The following MARCHF5 variants were observed in gnomAD, a reference collection of about 807,000 sequenced individuals.
MARCHF5 encodes membrane associated ring-CH-type finger 5.
MARCHF5 carries 5 observed loss-of-function variants against 36.5 expected under a neutral mutation model. The observed-to-expected ratio is 0.14, with a 90% CI of 0.07 to 0.29. The LOEUF (loss-of-function observed/expected upper bound fraction) is 0.29. Ranked by LOEUF, MARCHF5 falls within the 10% of genes least tolerant of loss-of-function variation. MARCHF5 has a pLI of 1.00. For missense variants in MARCHF5, 179 were observed against 336.3 expected, an observed-to-expected ratio of 0.53 and a Z score of 3.66; for synonymous variants, 103 against 109.9, an observed-to-expected ratio of 0.94 and a Z score of 0.39.
intron 1 of MARCHF5, among the ~76,000 whole-genome samples, chr10:92,293,343 G>A (rs1452990025): frequency 6.6e-6 from 1 of 152,076 alleles, no homozygotes; most frequent in African/African-American, 2.4e-5. Context: ...GGGCTCAAGT[G>A]ATCCTCCCGC....
chr10:92,299,776 CATG>C (rs1358253916), intron 1 of MARCHF5, among the ~76,000 whole-genome samples: 1 of 152,152 alleles, frequency 6.6e-6, no homozygotes, highest in Admixed American at 6.6e-5. Context: ...TCTTTTGTAT[CATG>C]ATGTCTTTCT....
At chr10:92,312,098 G>A (rs953307590) in intron 2 of MARCHF5, among the ~76,000 whole-genome samples, 1 of 152,086 alleles carries the variant, frequency 6.6e-6, no homozygotes, top group Admixed American at 6.6e-5. Context: ...AAGAGGTATA[G>A]GAAGGCAGCT....
intron 1 of MARCHF5, among the ~76,000 whole-genome samples, chr10:92,300,613 C>A (rs570027394): frequency 1.4e-4 from 22 of 152,284 alleles, no homozygotes; most frequent in Admixed American, 5.9e-4. Context: ...TAGCTGGCAC[C>A]AACTGCCTTT....
At chr10:92,326,193 T>A (rs1049097834) in intron 2 of MARCHF5, among the ~76,000 whole-genome samples, 6 of 152,202 alleles carry the variant, frequency 3.9e-5, no homozygotes, top group African/African-American at 1.4e-4. Flanking sequence ...TGTAACTATT[T>A]TATTTTATTT....
At chr10:92,299,761 G>A (rs557675704) in intron 1 of MARCHF5, among the ~76,000 whole-genome samples, 36 of 152,288 alleles carry the variant, frequency 2.4e-4, no homozygotes, top group African/African-American at 8.7e-4. Context: ...GTGCATAGGA[G>A]ACCCTCTTTT....
At position 92,291,298 on chromosome 10, in the gene MARCHF5, TCCG is replaced by T; in HGVS notation, c.-191_-189del. On this transcript the variant is annotated 5_prime_UTR_variant, in exon 1 of 6. Coordinates refer to ENST00000358935, the MANE Select transcript of MARCHF5 (RefSeq NM_017824.5). ...CGCCTCAGGCTCCTCCTCCTCGCTC[TCCG>T]CCGCCTCCGCCGGACTCCCGCAGGC... The T allele has an allele frequency of 5.3e-6, 3 of 568,484 alleles. No individual in the cohort carries two copies. The highest frequency in any genetic ancestry group is 9.1e-6 in the Non-Finnish European group (3 of 327,978). The allele number at this position is 568,484 out of a possible 1,614,324, so 35.2% of individuals were successfully genotyped here.
At position 92,352,046 on chromosome 10, in the gene MARCHF5, T is replaced by A. The variant is rs747982818; in HGVS notation, c.*839T>A. 3.9e-5 allele frequency: 6 copies of A among 152,566 alleles called. No individual in the cohort carries two copies. Among genetic ancestry groups the A allele is most frequent in the Admixed American group, 6.6e-5 (1 of 15,252 alleles). The allele number at this position is 152,566 out of a possible 1,614,324, so 9.5% of individuals were successfully genotyped here. A position where few individuals can be genotyped will look rare whatever the true frequency, so the allele number is the denominator to read the frequency against. On this transcript the variant is annotated 3_prime_UTR_variant, in exon 6 of 6. Transcript: ENST00000358935. The stretch of plus-strand genomic sequence containing the variant: ...AGTTTATAGTAGTTTGAGCAGAGGA[T>A]GATTTGCAAAAATAAAAATAAAGTT...
intron 1 of MARCHF5, among the ~76,000 whole-genome samples, chr10:92,295,309 ACTTTT>A (rs202188164): frequency 0.43 from 32,691 of 75,994 alleles, 7,430 homozygotes; most frequent in East Asian, 0.61. Flanking sequence ...ACTAGAGGCA[ACTTTT>A]CTTTTTTTTT....
chr10:92,331,920 CA>C (rs1843440803), intron 2 of MARCHF5, among the ~76,000 whole-genome samples: 12 of 56,416 alleles, frequency 2.1e-4, no homozygotes, highest in Non-Finnish European at 4.2e-4. Flanking sequence ...TATATATAAT[CA>C]TATATATGTA....
chr10:92,343,255 A>G (rs1843601862), intron 3 of MARCHF5, among the ~76,000 whole-genome samples: 2 of 152,124 alleles, frequency 1.3e-5, no homozygotes, highest in South Asian at 4.2e-4. Flanking sequence ...GTACTTATCC[A>G]AATCTAAACC....
chr10:92,300,497 CAA>C (rs946349700), intron 1 of MARCHF5, among the ~76,000 whole-genome samples: 4 of 138,130 alleles, frequency 2.9e-5, no homozygotes. Flanking sequence ...GACCCTGTCT[CAA>C]AAAAAAAAAA....
intron 2 of MARCHF5, among the ~76,000 whole-genome samples, chr10:92,322,224 A>G (rs12256461): frequency 0.17 from 24,011 of 139,474 alleles, 2,792 homozygotes; most frequent in East Asian, 0.37. Context: ...AGCCTGGGCA[A>G]CAAGAGCGAA....
At chr10:92,345,111 G>A (rs1233830021) in intron 3 of MARCHF5, among the ~76,000 whole-genome samples, 2 of 151,464 alleles carry the variant, frequency 1.3e-5, no homozygotes, top group Admixed American at 1.3e-4. Flanking sequence ...CTAGTGCAAA[G>A]ACAGCCCCCA....
chr10:92,320,696 T>G (rs570610190), intron 2 of MARCHF5, among the ~76,000 whole-genome samples: 10 of 152,114 alleles, frequency 6.6e-5, no homozygotes, highest in African/African-American at 2.4e-4. Context: ...CGCACAACTG[T>G]ACAATATGTG....
rs556043357 is a variant in MARCHF5 at position 92,344,847 on chromosome 10, T to TC, written c.369+4045dup. ...AAAAGACAACACAATAATTTTTTTT[T>TC]CTCGGCACTGTATTGAACACCTAGC... On this transcript the variant is annotated intron_variant, in intron 3 of 5. Transcript: ENST00000358935. 2.5e-3 allele frequency among the ~76,000 whole-genome samples: 378 copies of TC among 152,346 alleles called. 1 individual carries two copies. The highest frequency in any genetic ancestry group is 5.8e-3 in the South Asian group (28 of 4,824).
chr10:92,311,421 CT>C (rs945622621), intron 2 of MARCHF5, 84 bp downstream of exon 2: 42 of 915,158 alleles, frequency 4.6e-5, no homozygotes, highest in Admixed American at 8.7e-5. Context: ...TGAACCACCT[CT>C]TTTTTTTAGG....
chr10:92,342,475 C>T (rs1406141454), intron 3 of MARCHF5, among the ~76,000 whole-genome samples: 1 of 152,152 alleles, frequency 6.6e-6, no homozygotes, highest in Non-Finnish European at 1.5e-5. Flanking sequence ...GCCTTCTATT[C>T]AGTCCACTGA....
chr10:92,333,657 G>T, intron 2 of MARCHF5: 2 of 985,248 alleles, frequency 2.0e-6, no homozygotes, highest in South Asian at 9.4e-5. Flanking sequence ...GTATGTAAAG[G>T]AAGCCTCATG....
intron 1 of MARCHF5, among the ~76,000 whole-genome samples, chr10:92,298,070 T>A (rs1842968844): frequency 6.6e-6 from 1 of 152,118 alleles, no homozygotes; most frequent in Non-Finnish European, 1.5e-5. Context: ...TAGTGGCACA[T>A]ACCTGTAATC....
Sources: allele counts gnomAD v4.1 joint callset (sites outside exome capture counted in the v4.1 genomes callset), GRCh38; gene constraint gnomAD v4.1.1; transcripts MANE v1.5; gene names NCBI Gene and HGNC (gene_info 2026-07-23, HGNC 2026-07-21).